Variants in MYLK2 observed in about 807,000 individuals in gnomAD.
The protein encoded by MYLK2 is myosin light chain kinase 2, skeletal/cardiac muscle.
A neutral mutation model predicts 58.2 loss-of-function variants in MYLK2; 27 were observed. That is an observed-to-expected ratio of 0.46 (90% CI 0.34 to 0.64). MYLK2 has a LOEUF of 0.64. Ranked by LOEUF, MYLK2 falls within the 30% of genes least tolerant of loss-of-function variation. The pLI is 0.01. For missense variants in MYLK2, 676 were observed against 764.3 expected, an observed-to-expected ratio of 0.88 and a Z score of 1.36; for synonymous variants, 310 against 296.7, an observed-to-expected ratio of 1.04 and a Z score of -0.46.
At chr20:31,830,795 C>G in intron 8 of MYLK2, 24 bp from the exon 9 acceptor site, 1 of 1,613,184 alleles carries the variant, frequency 6.2e-7, no homozygotes. Context: ...AGAGGCCCAC[C>G]CAGGCCACCC....
chr20:31,831,716 T>A lies in MYLK2; in HGVS notation c.1438T>A (p.Ser480Thr). 2 of 1,613,766 alleles carry A rather than the reference T, an allele frequency of 1.2e-6. No individual in the cohort carries two copies. The highest frequency in any genetic ancestry group is 2.7e-5 in the African/African-American group (2 of 74,880). The change falls in exon 11 of 13, where the codon TCC becomes ACC. Residue 480 changes from serine (S) to threonine (T), a missense_variant. Physicochemically the swap from Ser to Thr is moderately conservative, Grantham distance 58 (BLOSUM62 1). This residue lies in a region of MYLK2 where 370 missense variants were observed against 467.8 expected (regional missense o/e 0.79). Transcript: ENST00000375985. ...CCCTCCCTCTAGGCTGAGCGGCCTCTCCCCCTTCCTGGGAGATGATGACAC... is the reference window on the plus strand; with the variant it reads ...CCCTCCCTCTAGGCTGAGCGGCCTCACCCCCTTCCTGGGAGATGATGACAC... ...VITYMLLSGL[S>T]PFLGDDDTET...
Position 31,823,561 on chromosome 20 carries a change from A to T in MYLK2, c.857A>T (p.Asn286Ile). 3.7e-6 allele frequency: 6 copies of T among 1,613,800 alleles called. No individual in the cohort carries two copies. The highest frequency in any genetic ancestry group is 5.1e-6 in the Non-Finnish European group (6 of 1,179,982). The change falls in exon 5 of 13, where the codon AAC becomes ATC. Residue 286 changes from asparagine to isoleucine, a missense_variant. By Grantham distance (149) the Asn-to-Ile change is moderately radical. Around this residue, in one of 2 missense-constraint regions of MYLK2, gnomAD observed 370 missense variants for 467.8 expected, o/e 0.79. Transcript: ENST00000375985. Reference sequence around the variant, plus strand: ...AATGTCAGCAGTGAATTCAGTATGAACTCCAAGGAGGCGCTCGGAGGGTGA... The same window carrying T: ...AATGTCAGCAGTGAATTCAGTATGATCTCCAAGGAGGCGCTCGGAGGGTGA... ...TGNVSSEFSM[N>I]SKEALGGGKF...
At chr20:31,829,301 C>T (rs1361955391) in intron 8 of MYLK2, among the ~76,000 whole-genome samples, 1 of 152,058 alleles carries the variant, frequency 6.6e-6, no homozygotes, top group Non-Finnish European at 1.5e-5. Context: ...TTGAGTGCAC[C>T]CCAGCCCACA....
rs772074487 is a variant in MYLK2, at chr20:31,820,127, C to T, written c.54C>T (p.Asp18=). The T allele has an allele frequency of 2.5e-6, 4 of 1,613,710 alleles. No individual in the cohort carries two copies. The highest frequency in any genetic ancestry group is 1.7e-4 in the Middle Eastern group (1 of 6,036). Residue 18 remains aspartate, a splice_region_variant and synonymous_variant, in exon 3 of 13, where the codon GAC becomes GAT. Transcript: ENST00000375985. ...ATGGGTGTCTCACCTCCTCTGCAGA[C>T]AAGGCACCTAAAGGTCCCACAGGTG... ...VELGIQNPST[D]KAPKGPTGER...
intron 8 of MYLK2, chr20:31,827,463 G>A (rs774005037): frequency 4.1e-5 from 40 of 985,268 alleles, no homozygotes; most frequent in African/African-American, 1.0e-4. Flanking sequence ...TAGTGTCAGC[G>A]TGGCAATGTG....
chr20:31,821,632 G>T lies in MYLK2; in HGVS notation c.667G>T (p.Asp223Tyr). The T allele has an allele frequency of 6.2e-7, 1 of 1,614,062 alleles. No homozygotes were observed. Among genetic ancestry groups the T allele is most frequent in the Non-Finnish European group, 8.5e-7 (1 of 1,180,024 alleles). Reference sequence around the variant, plus strand: ...GGCTGGCCAGGCTAAGATGCAAGGGGACACCTCGAGGGGGATTGAGTTCCA... The same window carrying T: ...GGCTGGCCAGGCTAAGATGCAAGGGTACACCTCGAGGGGGATTGAGTTCCA... The part of the protein sequence containing the change: ...GQAGQAKMQG[D>Y]TSRGIEFQAV... The change falls in exon 4 of 13, where the codon GAC becomes TAC. Residue 223 changes from aspartate (D) to tyrosine (Y), a missense_variant. By Grantham distance (160) the Asp-to-Tyr change is radical. Around this residue, in one of 2 missense-constraint regions of MYLK2, gnomAD observed 306 missense variants for 296.5 expected, o/e 1.03. Coordinates refer to ENST00000375985, the MANE Select transcript of MYLK2 (RefSeq NM_033118.4).
chr20:31,820,664 C>T (rs1274816213), intron 3 of MYLK2, 118 bp downstream of exon 3: 10 of 1,297,448 alleles, frequency 7.7e-6, no homozygotes, highest in Non-Finnish European at 9.7e-6. Flanking sequence ...GAGTGTAGTT[C>T]TGACATTCAG....
At chr20:31,822,803 C>G (rs2062257806) in intron 4 of MYLK2, among the ~76,000 whole-genome samples, 1 of 152,340 alleles carries the variant, frequency 6.6e-6, no homozygotes, top group African/African-American at 2.4e-5. Flanking sequence ...AGACCTCCGC[C>G]CCGCCCCGAA....
In MYLK2 at chr20:31,821,563, C is replaced by G. The variant is rs2062252255; in HGVS notation, c.598C>G (p.Leu200Val). The change falls in exon 4 of 13, where the codon CTG becomes GTG. Residue 200 changes from leucine to valine, a missense_variant. Leu to Val is a conservative substitution (Grantham distance 32, BLOSUM62 1). Around this residue, in one of 2 missense-constraint regions of MYLK2, gnomAD observed 306 missense variants for 296.5 expected, o/e 1.03. Transcript: ENST00000375985. ...PAKAEEGKNI[L>V]AESQKEVGEK... is the part of the protein sequence containing the mutation. ...CAAGGCAGAAGAAGGAAAGAACATC[C>G]TGGCAGAGAGCCAGAAGGAAGTGGG... The G allele has an allele frequency of 6.2e-7, 1 of 1,614,002 alleles. No homozygotes were observed. The highest frequency in any genetic ancestry group is 8.5e-7 in the Non-Finnish European group (1 of 1,180,054).
At chr20:31,824,650 C>A in intron 6 of MYLK2, 1 of 864,692 alleles carries the variant, frequency 1.2e-6, no homozygotes, top group Non-Finnish European at 1.4e-6. Context: ...GGGCTCTGGG[C>A]CAGGCCCTGT....
In MYLK2 at chr20:31,826,955, T is replaced by C; in HGVS notation, c.1224+17T>C. 6.2e-7 allele frequency: 1 copy of C among 1,613,976 alleles called. No homozygotes were observed. Among genetic ancestry groups the C allele is most frequent in the Non-Finnish European group, 8.5e-7 (1 of 1,179,986 alleles). On this transcript the variant is annotated intron_variant, in intron 8 of 12. Transcript: ENST00000375985. Reference sequence around the variant, plus strand: ...GACCTCAAGGTACCAGACTGGGGCCTCCTGGGAAGGGTCAGGGGCAGCCTC... The same window carrying C: ...GACCTCAAGGTACCAGACTGGGGCCCCCTGGGAAGGGTCAGGGGCAGCCTC...
In MYLK2 at chr20:31,820,183, GC is replaced by G. The variant is rs1568626488; in HGVS notation, c.116del (p.Pro39GlnfsTer12). 1.2e-6 allele frequency: 2 copies of G among 1,613,964 alleles called. No homozygotes were observed. Among genetic ancestry groups the G allele is most frequent in the Admixed American group, 1.7e-5 (1 of 60,032 alleles). ...ERPLAAGKDP[G>X]PPDPKKAPDP... The stretch of plus-strand genomic sequence containing the variant: ...CCCCTGGCTGCAGGGAAAGACCCTG[GC>G]CCCCCAGACCCAAAGAAAGCTCCGG... On this transcript the variant is annotated frameshift_variant, in exon 3 of 13. Coordinates refer to ENST00000375985, the MANE Select transcript of MYLK2 (RefSeq NM_033118.4). LOFTEE classifies it high-confidence loss of function.
At chr20:31,828,610 A>G in intron 8 of MYLK2, 3 of 985,446 alleles carry the variant, frequency 3.0e-6, no homozygotes, top group Non-Finnish European at 3.6e-6. Flanking sequence ...AAAGTGTTTG[A>G]GAAAATACAC....
Position 31,821,549 on chromosome 20 carries a change from A to C in MYLK2, c.584A>C (p.Glu195Ala). 6.2e-7 allele frequency: 1 copy of C among 1,614,104 alleles called. No individual in the cohort carries two copies. The highest frequency in any genetic ancestry group is 8.5e-7 in the Non-Finnish European group (1 of 1,180,044). Residue 195 changes from glutamate to alanine, a missense_variant, in exon 4 of 13, where the codon GAA becomes GCA. Around this residue, in one of 2 missense-constraint regions of MYLK2, gnomAD observed 306 missense variants for 296.5 expected, o/e 1.03. Transcript: ENST00000375985. Reference protein sequence around the residue: ...PTDPRPAKAEEGKNILAESQK... With the variant: ...PTDPRPAKAEAGKNILAESQK... ...GATCCCAGGCCAGCCAAGGCAGAAGAAGGAAAGAACATCCTGGCAGAGAGC... is the reference window on the plus strand; with the variant it reads ...GATCCCAGGCCAGCCAAGGCAGAAGCAGGAAAGAACATCCTGGCAGAGAGC...
At chr20:31,819,986 GC>G in intron 2 of MYLK2, 139 bp from the exon 3 acceptor site, 1 of 1,105,144 alleles carries the variant, frequency 9.0e-7, no homozygotes, top group Non-Finnish European at 1.4e-6. Flanking sequence ...CCATCAAGTG[GC>G]CCCAGAGACT....
chr20:31,827,302 A>G lies in MYLK2; in HGVS notation c.1224+364A>G, dbSNP rs1289923770. The G allele has an allele frequency of 4.6e-5, 45 of 985,166 alleles. No individual in the cohort carries two copies. In the Admixed American group the frequency reaches 2.8e-3, roughly 61 times the overall value. The allele number at this position is 985,166 out of a possible 1,614,324, so 61.0% of individuals were successfully genotyped here. ...GCACCTGCCTCAGCCTTGGCCCATG[A>G]TAGGTACTAGGAGTGTCTGATCATT... On this transcript the variant is annotated intron_variant, in intron 8 of 12. Transcript: ENST00000375985.
At chr20:31,828,682 G>A (rs910882979) in intron 8 of MYLK2, 1 of 985,340 alleles carries the variant, frequency 1.0e-6, no homozygotes, top group African/African-American at 1.7e-5. Context: ...AGCAGGCAGG[G>A]AGATGCTGTT....
chr20:31,819,427 A>C lies in MYLK2; in HGVS notation c.-50A>C. ...CAACCAGGTTGCCCCTCTTTGCTCC[A>C]GGTACCTCTCTCCCCTCAGTTAGCA... is the stretch of plus-strand genomic sequence containing the variant. On this transcript the variant is annotated splice_region_variant and 5_prime_UTR_variant, in exon 1 of 13. Transcript: ENST00000375985. 1 of 1,030,844 alleles carries C rather than the reference A, an allele frequency of 9.7e-7. No homozygotes were observed. The highest frequency in any genetic ancestry group is 1.4e-5 in the South Asian group (1 of 73,168). 63.9% of individuals were successfully genotyped at this position (1,030,844 alleles called of 1,614,324 possible). A position where few individuals can be genotyped will look rare whatever the true frequency, so the allele number is the denominator to read the frequency against.
Position 31,822,367 on chromosome 20 carries a change from T to G in MYLK2, c.772+630T>G, listed in dbSNP as rs151103797. ...CAGGCTTAGTAGCTAAACTGTATAGTGGGGTGGGGTCGTGGGAGCTATAGA... is the reference window on the plus strand; with the variant it reads ...CAGGCTTAGTAGCTAAACTGTATAGGGGGGTGGGGTCGTGGGAGCTATAGA... On this transcript the variant is annotated intron_variant, in intron 4 of 12. Coordinates refer to ENST00000375985, the MANE Select transcript of MYLK2 (RefSeq NM_033118.4). Among the ~76,000 whole-genome samples, 361 of 152,184 alleles carry G rather than the reference T, an allele frequency of 2.4e-3. 4 individuals carry two copies. Among genetic ancestry groups the G allele is most frequent in the Admixed American group, 0.017 (260 of 15,292 alleles).
Sources: allele counts gnomAD v4.1 joint callset (sites outside exome capture counted in the v4.1 genomes callset), GRCh38; gene constraint gnomAD v4.1.1; regional missense constraint gnomAD v4.1.1; transcripts MANE v1.5; gene names NCBI Gene and HGNC (gene_info 2026-07-23, HGNC 2026-07-21).